Variants in OPRM1 observed in about 807,000 individuals in gnomAD.
OPRM1 encodes the protein opioid receptor mu 1, also known as mu-type opioid receptor.
In OPRM1, 27 loss-of-function variants were observed where a neutral mutation model predicts 31.8. The observed-to-expected ratio is 0.85, with a 90% CI of 0.63 to 1.17. The LOEUF is 1.17. Ranked by LOEUF, OPRM1 falls within the 50% of genes most tolerant of loss-of-function variation. The probability of loss-of-function intolerance (pLI) is 0.00; values close to 1 mark genes in which losing one functional copy is unlikely to be tolerated. For missense variants in OPRM1, 536 were observed against 511.1 expected, an observed-to-expected ratio of 1.05 and a Z score of -0.47; for synonymous variants, 196 against 189.9, an observed-to-expected ratio of 1.03 and a Z score of -0.26.
intron 3 of OPRM1, chr6:154,107,488 C>T (rs375680675): frequency 1.3e-4 from 94 of 718,466 alleles, no homozygotes; most frequent in Non-Finnish European, 2.2e-4. Flanking sequence ...TGGACTGTCA[C>T]TGTGAAAATG....
rs373086355 is a variant in OPRM1 at position 154,223,250 on chromosome 6, C to A, written c.1165-23443C>A. 3.1e-6 allele frequency: 5 copies of A among 1,606,570 alleles called. No individual in the cohort carries two copies. In the African/African-American group the frequency reaches 6.7e-5, roughly 21 times the overall value. On this transcript the variant is annotated intron_variant, in intron 3 of 3. Transcript: ENST00000337049. ...ATCCATCAGCTTTCTCTGCCTGAAA[C>A]AAATATATACCACAAATAGGAATGA...
rs1794516834 is a variant in OPRM1, at chr6:154,100,138, T to TATG, written c.1164+8668_1164+8669insGAT. Among the ~76,000 whole-genome samples the TATG allele has an allele frequency of 1.3e-4, 13 of 99,960 alleles. No homozygotes were observed. The Admixed American group carries it at 1.4e-3, about 11-fold the overall frequency. The allele number at this position is 99,960 out of a possible 152,430, so 65.6% of individuals were successfully genotyped here. ...TATATTATCATATTATGACATATAA[T>TATG]ATATATTATCATATTATGACGTATC... On this transcript the variant is annotated intron_variant, in intron 3 of 3. Transcript: ENST00000330432.
intron 1 of OPRM1, chr6:154,083,360 A>G (rs544838294): frequency 1.3e-5 from 2 of 152,388 alleles, no homozygotes; most frequent in East Asian, 3.9e-4. Flanking sequence ...GAGGTAACAC[A>G]ATAGAAATGT....
intron 3 of OPRM1, among the ~76,000 whole-genome samples, chr6:154,106,075 C>A (rs1025755457): frequency 1.3e-5 from 2 of 152,186 alleles, no homozygotes; most frequent in African/African-American, 4.8e-5. Flanking sequence ...CACACAGAAT[C>A]TCTTACAATT....
intron 1 of OPRM1, among the ~76,000 whole-genome samples, chr6:154,044,052 T>A (rs537366952): frequency 6.6e-6 from 1 of 151,988 alleles, no homozygotes; most frequent in Non-Finnish European, 1.5e-5. Context: ...TTATGAAACA[T>A]CTCCAAAGAT....
chr6:154,103,263 A>G (rs1795128177), intron 3 of OPRM1, among the ~76,000 whole-genome samples: 1 of 152,246 alleles, frequency 6.6e-6, no homozygotes, highest in African/African-American at 2.4e-5. Flanking sequence ...ATATTGTAGC[A>G]ACTGAAAACC....
intron 3 of OPRM1, among the ~76,000 whole-genome samples, chr6:154,245,369 TG>T: frequency 6.6e-6 from 1 of 152,096 alleles, no homozygotes; most frequent in Non-Finnish European, 1.5e-5. Flanking sequence ...GCAATAAGTT[TG>T]GGGGCAGAGC....
chr6:154,135,926 G>A (rs1030383134), downstream of OPRM1, among the ~76,000 whole-genome samples: 2 of 152,226 alleles, frequency 1.3e-5, no homozygotes, highest in African/African-American at 4.8e-5. Flanking sequence ...CATATTTAAT[G>A]TCCCTAAAGA....
Position 154,121,137 on chromosome 6 carries a change from C to T in OPRM1, c.*2416C>T, listed in dbSNP as rs1220450615. 2.6e-5 allele frequency among the ~76,000 whole-genome samples: 4 copies of T among 152,106 alleles called. No homozygotes were observed. The highest frequency in any genetic ancestry group is 9.7e-5 in the African/African-American group (4 of 41,436). On this transcript the variant is annotated 3_prime_UTR_variant, in exon 4 of 4. Transcript: ENST00000330432. ...AAATGGAATATTCTGCTTTTTTCTTCCTTCTAATTTCACCCTTGCCTAAGG... is the reference window on the plus strand; with the variant it reads ...AAATGGAATATTCTGCTTTTTTCTTTCTTCTAATTTCACCCTTGCCTAAGG...
At chr6:154,068,134 G>A (rs1300443281) in intron 1 of OPRM1, among the ~76,000 whole-genome samples, 1 of 152,016 alleles carries the variant, frequency 6.6e-6, no homozygotes, top group African/African-American at 2.4e-5. Flanking sequence ...AGTAATCGAT[G>A]TAAATTTCTT....
chr6:154,189,677 C>T (rs924518240), intron 3 of OPRM1, among the ~76,000 whole-genome samples: 4 of 152,126 alleles, frequency 2.6e-5, no homozygotes, highest in Admixed American at 6.5e-5. Flanking sequence ...TGCATTGAAA[C>T]ATCACACCGG....
intron 3 of OPRM1, among the ~76,000 whole-genome samples, chr6:154,167,169 G>A (rs992746985): frequency 6.6e-6 from 1 of 152,198 alleles, no homozygotes; most frequent in Non-Finnish European, 1.5e-5. Context: ...AAGCTTTTCA[G>A]ATAAATCGTC....
rs1279545004 is a variant in OPRM1 at position 154,116,596 on chromosome 6, A to AAAAAG, written c.1165-2067_1165-2063dup. Among the ~76,000 whole-genome samples, 57 of 152,006 alleles carry AAAAAG rather than the reference A, an allele frequency of 3.7e-4. 1 individual carries two copies. Among genetic ancestry groups the AAAAAG allele is most frequent in the Middle Eastern group, 3.4e-3 (1 of 294 alleles). ...CGAGACTCTGCCTCAAAAAAAAAAA[A>AAAAAG]AAAAGAAAAGAAAAGAAAAGAAAAA... On this transcript the variant is annotated intron_variant, in intron 3 of 3. Coordinates refer to ENST00000330432, the MANE Select transcript of OPRM1 (RefSeq NM_000914.5).
intron 3 of OPRM1, among the ~76,000 whole-genome samples, chr6:154,145,343 C>G (rs755590102): frequency 6.6e-6 from 1 of 152,162 alleles, no homozygotes; most frequent in Non-Finnish European, 1.5e-5. Flanking sequence ...ACACAAAAAT[C>G]AACTGTATTT....
intron 3 of OPRM1, chr6:154,221,472 TA>T (rs1449052247): frequency 2.1e-5 from 14 of 667,520 alleles, no homozygotes; most frequent in Non-Finnish European, 3.1e-5. Context: ...TAATATTAGA[TA>T]CCTATTGTCT....
chr6:154,018,692 C>T (rs947687430), intron 1 of OPRM1, among the ~76,000 whole-genome samples: 1 of 152,114 alleles, frequency 6.6e-6, no homozygotes, highest in African/African-American at 2.4e-5. Flanking sequence ...GGAATGAAGA[C>T]TCAACCCCTG....
Position 154,129,280 on chromosome 6 carries a change from A to G in OPRM1, c.*10559A>G, listed in dbSNP as rs975143282. 6.6e-6 allele frequency among the ~76,000 whole-genome samples: 1 copy of G among 152,270 alleles called. No homozygotes were observed. Among genetic ancestry groups the G allele is most frequent in the African/African-American group, 2.4e-5 (1 of 41,482 alleles). The stretch of plus-strand genomic sequence containing the variant: ...GACAGGGAGTTCTTCTATACAATAG[A>G]GAACAGAACAATGTTCTTCTATACA... On this transcript the variant is annotated 3_prime_UTR_variant, in exon 4 of 4. Coordinates refer to ENST00000330432, the MANE Select transcript of OPRM1 (RefSeq NM_000914.5).
intron 3 of OPRM1, among the ~76,000 whole-genome samples, chr6:154,222,729 C>T (rs1019682060): frequency 3.3e-5 from 5 of 152,194 alleles, no homozygotes; most frequent in African/African-American, 9.6e-5. Context: ...AAGCTTAAGA[C>T]ATCTCAGAAA....
At chr6:154,235,531 C>CAAAAAA (rs34877577) in intron 3 of OPRM1, among the ~76,000 whole-genome samples, 1 of 97,502 alleles carries the variant, frequency 1.0e-5, no homozygotes, top group African/African-American at 3.7e-5. Context: ...AACTCTGTCA[C>CAAAAAA]AAAAAAAAAA....
Sources: gnomAD v4.1 joint callset for allele counts (sites outside exome capture counted in the v4.1 genomes callset) on GRCh38, gnomAD v4.1.1 for gene constraint, MANE v1.5 for transcripts, NCBI Gene and HGNC (gene_info 2026-07-23, HGNC 2026-07-21) for gene names.